ROR1: variants seen among roughly 807,000 people sequenced by gnomAD.
The protein encoded by ROR1 is ROR family WNT receptor 1.
In ROR1, 19 loss-of-function variants were observed where a neutral mutation model predicts 78.8. That is an observed-to-expected ratio of 0.24 (90% CI 0.17 to 0.35). The LOEUF (loss-of-function observed/expected upper bound fraction) is 0.35. Ranked by LOEUF, ROR1 falls within the 10% of genes least tolerant of loss-of-function variation. The pLI is 1.00. For synonymous variants in ROR1, 386 were observed against 433.6 expected (o/e 0.89, Z 1.36); for missense variants, 917 against 1,177.8 (o/e 0.78, Z 3.24).
At position 64,177,417 on chromosome 1, in the gene ROR1, C is replaced by G. The variant is rs1650413017; in HGVS notation, c.1387-11C>G. ...ATGTTTTAAACCACGTTTTTCCTCT[C>G]TTTCATACAGAGCAAGGCTAAAGAG... On this transcript the variant is annotated splice_polypyrimidine_tract_variant and intron_variant, in intron 8 of 8. Coordinates refer to ENST00000371079, the MANE Select transcript of ROR1 (RefSeq NM_005012.4). 2 of 1,599,320 alleles carry G rather than the reference C, an allele frequency of 1.3e-6. No homozygotes were observed. The highest frequency in any genetic ancestry group is 3.5e-5 in the Admixed American group (2 of 57,328).
chr1:63,971,295 ATTAC>A (rs996915831), intron 1 of ROR1, among the ~76,000 whole-genome samples: 6 of 152,228 alleles, frequency 3.9e-5, no homozygotes, highest in African/African-American at 1.2e-4. Flanking sequence ...TATTAATAAT[ATTAC>A]TTAACCCATA....
chr1:64,132,747 C>T (rs533944929), intron 4 of ROR1, among the ~76,000 whole-genome samples: 267 of 108,774 alleles, frequency 2.5e-3, no homozygotes, highest in African/African-American at 9.4e-3. Flanking sequence ...GCAATGGGAG[C>T]GAGACTCCAT....
At chr1:63,844,607 G>A (rs1264340879) in intron 1 of ROR1, among the ~76,000 whole-genome samples, 19 of 152,168 alleles carry the variant, frequency 1.2e-4, no homozygotes, top group Non-Finnish European at 2.8e-4. Flanking sequence ...AGGGTGGAAG[G>A]CAGCTAAGTA....
chr1:64,178,634 A>G lies in ROR1; in HGVS notation c.2593A>G (p.Thr865Ala), dbSNP rs772855622. 2 of 1,614,036 alleles carry G rather than the reference A, an allele frequency of 1.2e-6. No homozygotes were observed. Among genetic ancestry groups the G allele is most frequent in the Non-Finnish European group, 1.7e-6 (2 of 1,180,034 alleles). Residue 865 changes from threonine (T) to alanine (A), a missense_variant, in exon 9 of 9, where the codon ACT (threonine) becomes GCT (alanine). Coordinates refer to ENST00000371079, the MANE Select transcript of ROR1 (RefSeq NM_005012.4). The surrounding 1 kb of genome is among the most constrained non-coding windows in gnomAD (Gnocchi z 4.3). ...SPSSASGSTS[T>A]GHVTSLPSSG... ...AAGCAGTGCCAGTGGGTCGACTAGC[A>G]CTGGCCATGTGACTAGCTTGCCCTC...
chr1:63,864,521 G>C (rs1036660234), intron 1 of ROR1, among the ~76,000 whole-genome samples: 1 of 152,168 alleles, frequency 6.6e-6, no homozygotes, highest in South Asian at 2.1e-4. Context: ...GGTATGACGG[G>C]GGGTAGGCGG....
chr1:64,046,929 C>T (rs536683734), intron 2 of ROR1, among the ~76,000 whole-genome samples: 2 of 152,368 alleles, frequency 1.3e-5, no homozygotes, highest in African/African-American at 2.4e-5. Context: ...AGTTAGCATA[C>T]AGGTGAATAC....
chr1:63,988,889 T>A (rs1414453025), intron 1 of ROR1, among the ~76,000 whole-genome samples: 1 of 152,082 alleles, frequency 6.6e-6, no homozygotes, highest in Non-Finnish European at 1.5e-5. Flanking sequence ...CATCTGTCAA[T>A]ATACATTTGG....
intron 1 of ROR1, among the ~76,000 whole-genome samples, chr1:63,816,202 G>A (rs916441956): frequency 6.6e-6 from 1 of 152,108 alleles, no homozygotes; most frequent in African/African-American, 2.4e-5. Context: ...AAGGAGAGTG[G>A]GCCTTCAACT....
chr1:63,900,743 T>TATTC (rs1469012378), intron 1 of ROR1, among the ~76,000 whole-genome samples: 1 of 152,192 alleles, frequency 6.6e-6, no homozygotes, highest in African/African-American at 2.4e-5. Flanking sequence ...ATCTATTTTC[T>TATTC]ATTCGTATGC....
intron 1 of ROR1, among the ~76,000 whole-genome samples, chr1:63,846,108 G>C (rs1179599060): frequency 2.7e-5 from 4 of 146,784 alleles, no homozygotes; most frequent in South Asian, 2.2e-4. Flanking sequence ...ATTTGACAGA[G>C]AGAGAGAGAA....
intron 1 of ROR1, among the ~76,000 whole-genome samples, chr1:63,899,930 A>ACAC (rs954528925): frequency 5.9e-5 from 9 of 151,996 alleles, no homozygotes; most frequent in Admixed American, 3.3e-4. Context: ...ATCCGAACAG[A>ACAC]CACCATATGG....
At chr1:63,876,519 T>C (rs114286476) in intron 1 of ROR1, among the ~76,000 whole-genome samples, 1,732 of 152,154 alleles carry the variant, frequency 0.011, 38 homozygotes, top group African/African-American at 0.038. Context: ...AATTTTTATG[T>C]CTGTAAGGGG....
intron 1 of ROR1, among the ~76,000 whole-genome samples, chr1:63,973,420 C>G (rs1646134058): frequency 6.6e-6 from 1 of 152,196 alleles, no homozygotes; most frequent in African/African-American, 2.4e-5. Context: ...CTCCATACCT[C>G]TACCCAGTCC....
intron 4 of ROR1, among the ~76,000 whole-genome samples, chr1:64,057,112 A>G (rs1377334485): frequency 1.3e-5 from 2 of 152,090 alleles, no homozygotes; most frequent in Admixed American, 6.6e-5. Context: ...TTTTTTCCTA[A>G]AAGTTTTTAT....
chr1:64,064,084 A>G (rs1646938160), intron 4 of ROR1, among the ~76,000 whole-genome samples: 1 of 152,244 alleles, frequency 6.6e-6, no homozygotes, highest in African/African-American at 2.4e-5. Flanking sequence ...CAAATTCTGG[A>G]CTATTTAACA....
chr1:64,011,737 T>G (rs1295664340), intron 2 of ROR1, among the ~76,000 whole-genome samples: 1 of 152,322 alleles, frequency 6.6e-6, no homozygotes, highest in East Asian at 1.9e-4. Flanking sequence ...GGCATCATCT[T>G]TCTCTAGAAG....
intron 4 of ROR1, among the ~76,000 whole-genome samples, chr1:64,070,485 T>A (rs923515849): frequency 1.3e-5 from 2 of 151,682 alleles, no homozygotes; most frequent in East Asian, 1.9e-4. Context: ...CCAGTTAAAA[T>A]TTTTTTTTAT....
At chr1:64,012,043 C>T (rs1391714796) in intron 2 of ROR1, among the ~76,000 whole-genome samples, 1 of 152,124 alleles carries the variant, frequency 6.6e-6, no homozygotes, top group African/African-American at 2.4e-5. Flanking sequence ...AATCCATTGC[C>T]AAGCTGGTAC....
At chr1:63,874,872 A>AT (rs145591831) in intron 1 of ROR1, among the ~76,000 whole-genome samples, 8,579 of 151,682 alleles carry the variant, frequency 0.057, 603 homozygotes, top group African/African-American at 0.16. Context: ...CATTTCATCA[A>AT]TTTTTTTTTG....
Sources: gnomAD v4.1 joint callset for allele counts (sites outside exome capture counted in the v4.1 genomes callset) on GRCh38, gnomAD v4.1.1 for gene constraint, Gnocchi (gnomAD v3.1) non-coding constraint, MANE v1.5 for transcripts, NCBI Gene and HGNC (gene_info 2026-07-23, HGNC 2026-07-21) for gene names.